The following DLG2 variants were observed in gnomAD, a reference collection of about 807,000 sequenced individuals.
DLG2 encodes the protein discs large MAGUK scaffold protein 2.
In DLG2, 45 loss-of-function variants were observed where a neutral mutation model predicts 132.5. The ratio of observed to expected loss-of-function variants is 0.34; its 90% CI spans 0.27 to 0.44. The LOEUF (loss-of-function observed/expected upper bound fraction) is 0.44, where lower values mean the gene tolerates loss of function less well. Among genes scored for constraint, DLG2 ranks in the 20% least tolerant of loss-of-function variants. The pLI is 1.00. For missense variants in DLG2, 1,045 were observed against 1,196.9 expected (o/e 0.87, Z 1.87); for synonymous variants, 424 against 419.6 (o/e 1.01, Z -0.13).
intron 10 of DLG2, among the ~76,000 whole-genome samples, chr11:84,094,660 T>G (rs1166532379): frequency 6.6e-6 from 1 of 152,208 alleles, no homozygotes; most frequent in African/African-American, 2.4e-5. Flanking sequence ...GAAGCTTTTA[T>G]GAGGGCACTA....
At chr11:83,699,813 TTATC>T (rs137988370) in intron 18 of DLG2, among the ~76,000 whole-genome samples, 42,804 of 149,910 alleles carry the variant, frequency 0.29, 7,917 homozygotes, top group African/African-American at 0.53. Context: ...GGCTAAAAAT[TTATC>T]TATCTATCTA....
intron 3 of DLG2, among the ~76,000 whole-genome samples, chr11:85,597,587 T>C (rs1432926055): frequency 1.3e-5 from 2 of 151,944 alleles, no homozygotes; most frequent in Admixed American, 1.3e-4. Flanking sequence ...TTTACACTTC[T>C]ATTTTTATTC....
intron 18 of DLG2, among the ~76,000 whole-genome samples, chr11:83,640,971 T>C (rs1345365809): frequency 6.6e-6 from 1 of 152,178 alleles, no homozygotes; most frequent in Non-Finnish European, 1.5e-5. Flanking sequence ...GAAAATACCA[T>C]ACCCACTCAG....
chr11:85,542,735 A>G (rs1464432427), intron 3 of DLG2, among the ~76,000 whole-genome samples: 2 of 152,194 alleles, frequency 1.3e-5, no homozygotes, highest in East Asian at 1.9e-4. Flanking sequence ...ATGACATTTC[A>G]TAGGCAAAAA....
At chr11:85,584,513 G>A (rs184722908) in intron 3 of DLG2, among the ~76,000 whole-genome samples, 9 of 152,150 alleles carry the variant, frequency 5.9e-5, no homozygotes, top group Admixed American at 5.9e-4. Flanking sequence ...TTTTCCTCTA[G>A]GAAGATAACC....
chr11:84,226,052 C>A (rs1339890086), intron 8 of DLG2, among the ~76,000 whole-genome samples: 1 of 152,218 alleles, frequency 6.6e-6, no homozygotes, highest in Non-Finnish European at 1.5e-5. Flanking sequence ...CTCAAGTGAT[C>A]CGCCTGCCTT....
At chr11:83,814,589 G>C (rs918122679) in intron 17 of DLG2, 7 of 174,412 alleles carry the variant, frequency 4.0e-5, no homozygotes, top group Admixed American at 1.2e-4. Flanking sequence ...GAACACTGAA[G>C]AATACATCAT....
At chr11:85,394,535 T>A (rs1596858326) in intron 3 of DLG2, among the ~76,000 whole-genome samples, 1 of 152,336 alleles carries the variant, frequency 6.6e-6, no homozygotes, top group East Asian at 1.9e-4. Context: ...CTGAAATGTG[T>A]AAACATCTCT....
chr11:85,122,984 T>A (rs1475221579), intron 5 of DLG2, among the ~76,000 whole-genome samples: 69 of 33,880 alleles, frequency 2.0e-3, no homozygotes, highest in Non-Finnish European at 3.1e-3. Flanking sequence ...TTTTTTTTTT[T>A]TTTTTTTTTT....
chr11:83,823,088 G>A (rs2051317454), intron 17 of DLG2, among the ~76,000 whole-genome samples: 2 of 152,112 alleles, frequency 1.3e-5, no homozygotes, highest in Admixed American at 1.3e-4. Flanking sequence ...ATATGGTAAT[G>A]CAAATCTAAG....
intron 6 of DLG2, among the ~76,000 whole-genome samples, chr11:84,922,787 G>A (rs2092814918): frequency 6.6e-6 from 1 of 152,026 alleles, no homozygotes; most frequent in Non-Finnish European, 1.5e-5. Flanking sequence ...TCTTGGTTCT[G>A]GCCTACCTAA....
intron 17 of DLG2, among the ~76,000 whole-genome samples, 193 bp downstream of exon 17, chr11:83,833,421 G>T (rs2055159441): frequency 6.6e-6 from 1 of 152,116 alleles, no homozygotes; most frequent in African/African-American, 2.4e-5. Flanking sequence ...CTGGGCAACA[G>T]ACAGAGCGAG....
intron 7 of DLG2, among the ~76,000 whole-genome samples, chr11:84,479,994 A>G (rs988014032): frequency 9.9e-5 from 15 of 152,074 alleles, no homozygotes; most frequent in Admixed American, 2.0e-4. Flanking sequence ...AGTATCTTAG[A>G]ACTTTATTTC....
chr11:83,515,490 A>AT (rs1408847940), intron 21 of DLG2, among the ~76,000 whole-genome samples: 1 of 152,032 alleles, frequency 6.6e-6, no homozygotes, highest in South Asian at 2.1e-4. Flanking sequence ...GGATTCATTG[A>AT]TTTTTTGAAG....
chr11:84,797,389 T>G (rs1378382571), intron 6 of DLG2, among the ~76,000 whole-genome samples: 3 of 152,226 alleles, frequency 2.0e-5, no homozygotes, highest in Non-Finnish European at 4.4e-5. Flanking sequence ...AGGGTATTTC[T>G]ACATCTTAGG....
intron 3 of DLG2, among the ~76,000 whole-genome samples, chr11:85,457,602 T>C (rs2092464235): frequency 6.6e-6 from 1 of 152,208 alleles, no homozygotes; most frequent in Admixed American, 6.5e-5. Context: ...TATTTAGCAC[T>C]CCTTTCAGGA....
intron 7 of DLG2, among the ~76,000 whole-genome samples, chr11:84,409,636 CTTAG>C (rs907996828): frequency 4.6e-5 from 7 of 152,240 alleles, no homozygotes; most frequent in Admixed American, 1.3e-4. Flanking sequence ...TTCTCCATTA[CTTAG>C]TTAGTGACTA....
intron 7 of DLG2, among the ~76,000 whole-genome samples, chr11:84,522,605 A>C (rs531670441): frequency 2.0e-5 from 3 of 152,294 alleles, no homozygotes; most frequent in Admixed American, 1.3e-4. Flanking sequence ...ATTAGGATTA[A>C]ATCTGATTGC....
intron 11 of DLG2, among the ~76,000 whole-genome samples, chr11:84,041,121 G>A (rs547819774): frequency 6.6e-6 from 1 of 152,046 alleles, no homozygotes; most frequent in South Asian, 2.1e-4. Context: ...GAGATTTTGG[G>A]CTGTCAGCTC....
Sources: allele counts gnomAD v4.1 joint callset (sites outside exome capture counted in the v4.1 genomes callset), GRCh38; gene constraint gnomAD v4.1.1; transcripts MANE v1.5; gene names NCBI Gene and HGNC (gene_info 2026-07-23, HGNC 2026-07-21).